MOB3A: variants seen among roughly 807,000 people sequenced by gnomAD.
The protein encoded by MOB3A is MOB kinase activator 3A, also known as MOB LAK.
Under a neutral mutation model 17.8 loss-of-function variants are expected in MOB3A, and 17 were observed. That is an observed-to-expected ratio of 0.95 (90% CI 0.65 to 1.43). The LOEUF is 1.43. MOB3A is among the 40% of genes most tolerant of loss of function. The pLI is 0.00. For missense variants in MOB3A, 333 were observed against 310.8 expected, an observed-to-expected ratio of 1.07 and a Z score of -0.54; for synonymous variants, 124 against 133.2, an observed-to-expected ratio of 0.93 and a Z score of 0.48.
intron 2 of MOB3A, among the ~76,000 whole-genome samples, chr19:2,084,519 C>T (rs2017528567): frequency 6.6e-6 from 1 of 151,960 alleles, no homozygotes; most frequent in Admixed American, 6.6e-5. Context: ...GCAGGATTTT[C>T]AGTGGAAGTT....
rs774070272 is a variant in MOB3A, at chr19:2,076,966, A to G, written c.469T>C (p.Ser157Pro). ...NFLQTVRKIL[S>P]RLFRVFVHVY... ...TGCACGAACACGCGGAACAGCCGCG[A>G]CAGGATCTTCCGCACCGTCTGCAGG... The change falls in exon 4 of 5, where the codon TCG (serine) becomes CCG (proline). Residue 157 changes from serine (S) to proline (P), a missense_variant. By Grantham distance (74) the Ser-to-Pro change is moderately conservative (BLOSUM62 -1). Transcript: ENST00000357066. The G allele has an allele frequency of 3.7e-6, 6 of 1,613,940 alleles. No individual in the cohort carries two copies. The highest frequency in any genetic ancestry group is 5.1e-6 in the Non-Finnish European group (6 of 1,180,030).
At chr19:2,088,623 C>T (rs2017579527) in intron 1 of MOB3A, among the ~76,000 whole-genome samples, 1 of 152,078 alleles carries the variant, frequency 6.6e-6, no homozygotes, top group Non-Finnish European at 1.5e-5. Context: ...CGCACCACCA[C>T]ACCCAGCTAA....
At chr19:2,075,888 C>T (rs937334522) in intron 4 of MOB3A, among the ~76,000 whole-genome samples, 17 of 151,948 alleles carry the variant, frequency 1.1e-4, no homozygotes, top group African/African-American at 3.9e-4. Flanking sequence ...TTTGGGAGGC[C>T]GAGACAGGGA....
intron 1 of MOB3A, among the ~76,000 whole-genome samples, chr19:2,090,515 G>A (rs776829910): frequency 6.6e-6 from 1 of 152,066 alleles, no homozygotes; most frequent in Non-Finnish European, 1.5e-5. Flanking sequence ...TCAGCACCCT[G>A]CAGTGCCCAG....
At chr19:2,087,344 A>G (rs887601547) in intron 1 of MOB3A, among the ~76,000 whole-genome samples, 2 of 152,168 alleles carry the variant, frequency 1.3e-5, no homozygotes, top group Non-Finnish European at 2.9e-5. Flanking sequence ...ATTCCAGAAC[A>G]CTTTCCTCAC....
chr19:2,073,453 C>T, intron 4 of MOB3A, 29 bp from the exon 5 acceptor site: 1 of 1,613,802 alleles, frequency 6.2e-7, no homozygotes, highest in Non-Finnish European at 8.5e-7. Context: ...ACATCAGCTC[C>T]CACCAGCCAC....
Position 2,073,082 on chromosome 19 carries a change from C to A in MOB3A, c.*313G>T. On this transcript the variant is annotated 3_prime_UTR_variant, in exon 5 of 5. Coordinates refer to ENST00000357066, the MANE Select transcript of MOB3A (RefSeq NM_130807.3). ...GGAGCCACCCAGGGCAAGGAGTGAC[C>A]CTGGAAGCCATCCAGCCTCCTGGAA... is the stretch of plus-strand genomic sequence containing the variant. 4.3e-6 allele frequency: 2 copies of A among 464,808 alleles called. No homozygotes were observed. Among genetic ancestry groups the A allele is most frequent in the Admixed American group, 3.8e-5 (1 of 26,556 alleles). 28.8% of individuals were successfully genotyped at this position (464,808 alleles called of 1,614,324 possible).
intron 1 of MOB3A, among the ~76,000 whole-genome samples, chr19:2,094,486 A>C (rs989738403): frequency 6.6e-6 from 1 of 152,210 alleles, no homozygotes; most frequent in Admixed American, 6.5e-5. Flanking sequence ...GTTTTGTCTC[A>C]CGGGTCAAAA....
intron 1 of MOB3A, among the ~76,000 whole-genome samples, chr19:2,091,472 C>T (rs955229941): frequency 4.6e-5 from 7 of 151,982 alleles, no homozygotes; most frequent in African/African-American, 1.7e-4. Flanking sequence ...CAAGCTCTGC[C>T]TCCCGGGCTC....
In MOB3A at chr19:2,078,549, G is replaced by C. The variant is rs201182138; in HGVS notation, c.12C>G (p.Pro4=). The C allele has an allele frequency of 1.3e-6, 2 of 1,572,366 alleles. No homozygotes were observed. The highest frequency in any genetic ancestry group is 1.7e-6 in the Non-Finnish European group (2 of 1,154,928). The change falls in exon 3 of 5, where the codon CCC becomes CCG. Residue 4 remains proline (P), a synonymous_variant. Coordinates refer to ENST00000357066, the MANE Select transcript of MOB3A (RefSeq NM_130807.3). The stretch of plus-strand genomic sequence containing the variant: ...CCTTGTTGAAGACTTGCTTCAGGAA[G>C]GGGTTGGACATCTTGGTGACGCCTG... MSN[P]FLKQVFNKDK... is the part of the protein sequence containing the mutation.
intron 2 of MOB3A, among the ~76,000 whole-genome samples, chr19:2,079,924 G>A (rs2017464977): frequency 6.6e-6 from 1 of 152,204 alleles, no homozygotes; most frequent in Non-Finnish European, 1.5e-5. Context: ...GGGTTGCTCT[G>A]GGGTGGGGAC....
At chr19:2,079,804 G>A (rs755005734) in intron 2 of MOB3A, among the ~76,000 whole-genome samples, 1 of 152,228 alleles carries the variant, frequency 6.6e-6, no homozygotes, top group Non-Finnish European at 1.5e-5. Flanking sequence ...CGAGATGCCG[G>A]GTGATTCCAG....
chr19:2,089,940 C>G (rs565747428), intron 1 of MOB3A: 1 of 152,288 alleles, frequency 6.6e-6, no homozygotes, highest in African/African-American at 2.4e-5. Context: ...CAAATGCACC[C>G]CCCGCACTGC....
rs375581326 is a variant in MOB3A, at chr19:2,078,215, G to A, written c.346C>T (p.Pro116Ser). The A allele has an allele frequency of 5.0e-6, 8 of 1,613,282 alleles. No individual in the cohort carries two copies. The African/African-American group carries it at 5.3e-5, about 11-fold the overall frequency. Residue 116 changes from proline to serine, a missense_variant, in exon 3 of 5, where the codon CCC becomes TCC. By Grantham distance (74) the Pro-to-Ser change is moderately conservative. Coordinates refer to ENST00000357066, the MANE Select transcript of MOB3A (RefSeq NM_130807.3). The stretch of plus-strand genomic sequence containing the variant: ...TCCATCAGCAGGTCCATGTACCTGG[G>A]CGCGGAGAGTGCCGTGGGCTTCCGG... ...KFRKPTALSA[P>S]RYMDLLMDWI... is the part of the protein sequence containing the mutation.
chr19:2,075,783 A>G (rs1214633427), intron 4 of MOB3A, among the ~76,000 whole-genome samples: 1 of 152,174 alleles, frequency 6.6e-6, no homozygotes, highest in Non-Finnish European at 1.5e-5. Flanking sequence ...CGTGGAAAGC[A>G]GACAGGCTAG....
rs929280452 is a variant in MOB3A, at chr19:2,082,406, C to T, written c.-120+2769G>A. Among the ~76,000 whole-genome samples, 1 of 152,176 alleles carries T rather than the reference C, an allele frequency of 6.6e-6. No homozygotes were observed. The highest frequency in any genetic ancestry group is 1.5e-5 in the Non-Finnish European group (1 of 68,034). The stretch of plus-strand genomic sequence containing the variant: ...ATGTGCCCAGACATCACCCAGTGTC[C>T]CTTTGGGTTAAGATTAGATCGCCCT... On this transcript the variant is annotated intron_variant, in intron 2 of 4. Coordinates refer to ENST00000357066, the MANE Select transcript of MOB3A (RefSeq NM_130807.3). The surrounding 1 kb of genome is among the most constrained non-coding windows in gnomAD (Gnocchi z 4.1).
At chr19:2,095,155 T>TGA in intron 1 of MOB3A, 1 of 152,302 alleles carries the variant, frequency 6.6e-6, no homozygotes, top group Non-Finnish European at 1.5e-5. Context: ...TGGGCGTGAG[T>TGA]GAGACTCCAA....
intron 1 of MOB3A, among the ~76,000 whole-genome samples, chr19:2,095,769 T>C (rs534669534): frequency 0.015 from 2,192 of 150,072 alleles, 34 homozygotes; most frequent in African/African-American, 0.044. Flanking sequence ...TTTTTTTTTT[T>C]CCCCCGCTCT....
At chr19:2,087,413 G>A (rs749657784) in intron 1 of MOB3A, among the ~76,000 whole-genome samples, 3 of 152,174 alleles carry the variant, frequency 2.0e-5, no homozygotes, top group Non-Finnish European at 4.4e-5. Flanking sequence ...GGCACTTTGG[G>A]AGGCCAAGGC....
Sources: allele counts gnomAD v4.1 joint callset (sites outside exome capture counted in the v4.1 genomes callset), GRCh38; gene constraint gnomAD v4.1.1; non-coding constraint Gnocchi (gnomAD v3.1); transcripts MANE v1.5; gene names NCBI Gene and HGNC (gene_info 2026-07-23, HGNC 2026-07-21).